IDO1: variants seen among roughly 807,000 people sequenced by gnomAD.
IDO1 encodes the protein indolamine 2,3 dioxygenase.
IDO1 carries 35 observed loss-of-function variants against 38.8 expected under a neutral mutation model. That is an observed-to-expected ratio of 0.90 (90% CI 0.69 to 1.20). The LOEUF is 1.20. IDO1 is among the 50% of genes most tolerant of loss of function. The pLI is 0.00. For missense variants in IDO1, 509 were observed against 485.1 expected, an observed-to-expected ratio of 1.05 and a Z score of -0.46; for synonymous variants, 171 against 170.0, an observed-to-expected ratio of 1.01 and a Z score of -0.05.
At chr8:39,922,141 C>T (rs964038824) in intron 5 of IDO1, among the ~76,000 whole-genome samples, 4 of 152,156 alleles carry the variant, frequency 2.6e-5, no homozygotes, top group African/African-American at 7.2e-5. Context: ...GCTGGGATTA[C>T]AGGCGCCCAT....
intron 1 of IDO1, among the ~76,000 whole-genome samples, chr8:39,916,781 C>T (rs1478943279): frequency 2.0e-5 from 3 of 152,050 alleles, no homozygotes. Context: ...ATTTAGGGAT[C>T]CTCTGAACCA....
chr8:39,928,145 T>G lies in IDO1; in HGVS notation c.1172T>G (p.Val391Gly). 6.2e-7 allele frequency: 1 copy of G among 1,613,060 alleles called. No individual in the cohort carries two copies. The highest frequency in any genetic ancestry group is 1.1e-5 in the South Asian group (1 of 90,768). The stretch of plus-strand genomic sequence containing the variant: ...GATTTAATGAATTTCCTGAAGACTG[T>G]AAGAAGTACAACTGAGAAATCCCTT... ...GTDLMNFLKT[V>G]RSTTEKSLLK... Residue 391 changes from valine to glycine, a missense_variant, in exon 10 of 10, where the codon GTA (valine) becomes GGA (glycine). By Grantham distance (109) the Val-to-Gly change is moderately radical (BLOSUM62 -3). Coordinates refer to ENST00000518237, the MANE Select transcript of IDO1 (RefSeq NM_002164.6).
chr8:39,916,124 C>T (rs1807172021), intron 1 of IDO1, among the ~76,000 whole-genome samples: 1 of 151,928 alleles, frequency 6.6e-6, no homozygotes, highest in South Asian at 2.1e-4. Context: ...TGAGATCACG[C>T]CACCGCACTC....
chr8:39,924,858 G>A (rs1362202057), intron 8 of IDO1, 86 bp downstream of exon 8: 8 of 977,700 alleles, frequency 8.2e-6, no homozygotes, highest in Non-Finnish European at 1.1e-5. Flanking sequence ...AATATCCATT[G>A]GGTTTGGCTA....
At chr8:39,918,518 G>A (rs565364766) in intron 3 of IDO1, 52 of 454,744 alleles carry the variant, frequency 1.1e-4, no homozygotes, top group Non-Finnish European at 1.8e-4. Flanking sequence ...GGCCAAGGCC[G>A]GAGGATCACC....
intron 1 of IDO1, among the ~76,000 whole-genome samples, chr8:39,915,194 T>C (rs1803340077): frequency 6.6e-6 from 1 of 152,214 alleles, no homozygotes. Context: ...CTCCAGAGTC[T>C]ATGATCTTAA....
rs1807249489 is a variant in IDO1, at chr8:39,920,083, A to G, written c.423-17A>G. Reference sequence around the variant, plus strand: ...TCTCTTCCAATTGGTCCATTGCTTCATGGCTGCTTTCATAAGGCCCCTGAC... The same window carrying G: ...TCTCTTCCAATTGGTCCATTGCTTCGTGGCTGCTTTCATAAGGCCCCTGAC... On this transcript the variant is annotated splice_polypyrimidine_tract_variant and intron_variant, in intron 4 of 9. Transcript: ENST00000518237. 1 of 1,610,506 alleles carries G rather than the reference A, an allele frequency of 6.2e-7. No homozygotes were observed. The highest frequency in any genetic ancestry group is 8.5e-7 in the Non-Finnish European group (1 of 1,177,430).
At chr8:39,916,982 G>C (rs1280385786) in intron 1 of IDO1, among the ~76,000 whole-genome samples, 1 of 152,066 alleles carries the variant, frequency 6.6e-6, no homozygotes, top group Non-Finnish European at 1.5e-5. Flanking sequence ...TTTGAAAGTT[G>C]GAAACTTCAC....
At chr8:39,918,758 A>AC in intron 3 of IDO1, 57 bp from the exon 4 acceptor site, 2 of 673,392 alleles carry the variant, frequency 3.0e-6, no homozygotes, top group Non-Finnish European at 4.9e-6. Context: ...AAAAAAAAAA[A>AC]AAAAAAAAAA....
At chr8:39,925,568 G>T (rs1035935235) in intron 9 of IDO1, among the ~76,000 whole-genome samples, 197 bp downstream of exon 9, 1 of 152,138 alleles carries the variant, frequency 6.6e-6, no homozygotes, top group African/African-American at 2.4e-5. Context: ...TCAGTGACAG[G>T]TTCCTTGTGA....
At chr8:39,918,746 CAAAAAAAAAAAAAAA>C in intron 3 of IDO1, 54 bp from the exon 4 acceptor site, 2 of 291,406 alleles carry the variant, frequency 6.9e-6, no homozygotes, top group East Asian at 1.5e-4. Flanking sequence ...GACTCCATCT[CAAAAAAAAAAAAAAA>C]AAAAAAAACA....
chr8:39,918,509 G>A (rs754500243), intron 3 of IDO1: 95 of 456,648 alleles, frequency 2.1e-4, no homozygotes, highest in Non-Finnish European at 3.5e-4. Context: ...ACTTTGAGAG[G>A]CCAAGGCCGG....
rs773520481 is a variant in IDO1 at position 39,923,585 on chromosome 8, C to T, written c.654C>T (p.His218=). The part of the protein sequence containing the change: ...EKALQVFHQI[H]DHVNPKAFFS... Reference sequence around the variant, plus strand: ...CCCTTCAAGTGTTTCACCAAATCCACGGCAAGTGTTGTGTGCAGTGCAATA... The same window carrying T: ...CCCTTCAAGTGTTTCACCAAATCCATGGCAAGTGTTGTGTGCAGTGCAATA... Residue 218 remains histidine (H), a splice_region_variant and synonymous_variant, in exon 7 of 10, where the codon CAC becomes CAT. Transcript: ENST00000518237. 76 of 1,580,310 alleles carry T rather than the reference C, an allele frequency of 4.8e-5. No homozygotes were observed. The Middle Eastern group carries it at 2.5e-3, about 52-fold the overall frequency.
At chr8:39,927,573 A>T (rs535257695) in intron 9 of IDO1, among the ~76,000 whole-genome samples, 29 of 152,126 alleles carry the variant, frequency 1.9e-4, no homozygotes, top group African/African-American at 7.0e-4. Context: ...AAAAAAAAAA[A>T]AAAGCGCAAA....
chr8:39,922,713 G>A, intron 6 of IDO1, 62 bp downstream of exon 6: 2 of 1,055,364 alleles, frequency 1.9e-6, no homozygotes, highest in Admixed American at 1.8e-5. Flanking sequence ...AATCACTTCG[G>A]AGCCTAAACT....
chr8:39,919,523 A>G (rs1480221192), intron 4 of IDO1, among the ~76,000 whole-genome samples: 1 of 152,076 alleles, frequency 6.6e-6, no homozygotes, highest in Non-Finnish European at 1.5e-5. Flanking sequence ...GGTGATTTTT[A>G]CCCATTTAGG....
intron 6 of IDO1, chr8:39,922,991 T>A (rs988514138): frequency 6.0e-5 from 14 of 232,668 alleles, no homozygotes; most frequent in Non-Finnish European, 1.2e-4. Context: ...TATCTTTAAA[T>A]TAAATGCTAT....
At chr8:39,914,847 C>T (rs1807150217) in intron 1 of IDO1, among the ~76,000 whole-genome samples, 1 of 152,156 alleles carries the variant, frequency 6.6e-6, no homozygotes, top group African/African-American at 2.4e-5. Context: ...CTCACTGCAA[C>T]CTCTGCCTCC....
intron 4 of IDO1, among the ~76,000 whole-genome samples, chr8:39,919,709 G>A (rs910848312): frequency 3.9e-5 from 6 of 152,102 alleles, no homozygotes; most frequent in African/African-American, 9.7e-5. Context: ...GAATGGTGGC[G>A]TATGTCTGTG....
Sources: gnomAD v4.1 joint callset for allele counts (sites outside exome capture counted in the v4.1 genomes callset) on GRCh38, gnomAD v4.1.1 for gene constraint, MANE v1.5 for transcripts, NCBI Gene and HGNC (gene_info 2026-07-23, HGNC 2026-07-21) for gene names.